Variants in C5orf15 observed in about 807,000 individuals in gnomAD.
C5orf15 encodes keratinocyte-associated transmembrane protein 2.
Under a neutral mutation model 17.8 loss-of-function variants are expected in C5orf15, and 10 were observed. The observed-to-expected ratio is 0.56, with a 90% confidence interval of 0.35 to 0.95. C5orf15 has a LOEUF of 0.95. C5orf15 is among the 40% of genes least tolerant of loss of function. The pLI is 0.02. For missense variants in C5orf15, 319 were observed against 331.7 expected (o/e 0.96, Z 0.30); for synonymous variants, 124 against 131.0 (o/e 0.95, Z 0.36).
chr5:133,963,705 CAG>C (rs144384281), intron 1 of C5orf15, among the ~76,000 whole-genome samples: 9,523 of 152,222 alleles, frequency 0.063, 384 homozygotes, highest in South Asian at 0.13. Context: ...AATTAAAAAA[CAG>C]AGACTGGCAG....
rs755169848 is a variant in C5orf15, at chr5:133,959,544, AAAT to A, written c.613_615del (p.Ile205del). ...TAAACAACAGCAATGCAAAAAGCAA[AAAT>A]AATAAGATGAAAAAAGAAATGGCTG... On this transcript the variant is annotated inframe_deletion, in exon 2 of 3. Transcript: ENST00000231512. 10 of 1,597,866 alleles carry A rather than the reference AAAT, an allele frequency of 6.3e-6. No individual in the cohort carries two copies. In the Admixed American group the frequency reaches 1.4e-4, roughly 23 times the overall value.
intron 1 of C5orf15, among the ~76,000 whole-genome samples, chr5:133,963,730 G>C (rs1010639299): frequency 1.3e-5 from 2 of 152,184 alleles, no homozygotes; most frequent in Non-Finnish European, 2.9e-5. Flanking sequence ...TCAACTACAT[G>C]ATGTCCATAG....
intron 1 of C5orf15, among the ~76,000 whole-genome samples, chr5:133,961,232 TAAAAAAAAAAAAAAAA>T (rs56684565): frequency 2.3e-4 from 7 of 30,442 alleles, no homozygotes; most frequent in South Asian, 1.3e-3. Context: ...AGTCAGTTAG[TAAAAAAAAAAAAAAAA>T]AAAAAAAAAA....
intron 1 of C5orf15, 97 bp downstream of exon 1, chr5:133,968,349 G>A: frequency 6.7e-7 from 1 of 1,491,260 alleles, no homozygotes; most frequent in Non-Finnish European, 9.1e-7. Context: ...GTCTGCTCCT[G>A]ACACTTGGAA....
chr5:133,968,028 C>T (rs1752221038), intron 1 of C5orf15, among the ~76,000 whole-genome samples: 1 of 152,054 alleles, frequency 6.6e-6, no homozygotes, highest in South Asian at 2.1e-4. Flanking sequence ...ACACCCCCAG[C>T]CCCGGCCACC....
intron 2 of C5orf15, among the ~76,000 whole-genome samples, chr5:133,958,067 C>A (rs568927077): frequency 6.6e-6 from 1 of 151,714 alleles, no homozygotes; most frequent in Admixed American, 6.6e-5. Context: ...TATTTCTGAA[C>A]CAAAAATTGT....
rs1426673423 is a variant in C5orf15, at chr5:133,955,866, T to C, written c.*993A>G. On this transcript the variant is annotated 3_prime_UTR_variant, in exon 3 of 3. Transcript: ENST00000231512. ...AGACATAAATGAATCCCATAGTAAA[T>C]ACTTTCCAGTTGCCATAAAAAACAA... 1 of 152,226 alleles carries C rather than the reference T, an allele frequency of 6.6e-6. No homozygotes were observed. The highest frequency in any genetic ancestry group is 2.4e-5 in the African/African-American group (1 of 41,458). The allele number at this position is 152,226 out of a possible 1,614,324, so 9.4% of individuals were successfully genotyped here. A position where few individuals can be genotyped will look rare whatever the true frequency, so the allele number is the denominator to read the frequency against.
chr5:133,959,426 AAAG>A, intron 2 of C5orf15, 65 bp downstream of exon 2: 23 of 709,704 alleles, frequency 3.2e-5, no homozygotes, highest in South Asian at 1.1e-4. Flanking sequence ...AAAAAAAAAA[AAAG>A]AACCATGAAT....
At chr5:133,967,451 T>C (rs1360206505) in intron 1 of C5orf15, 2 of 152,230 alleles carry the variant, frequency 1.3e-5, no homozygotes, top group African/African-American at 2.4e-5. Context: ...CGCAGGACTG[T>C]GTCTTGGCCT....
At chr5:133,957,316 C>T (rs1752054550) in intron 2 of C5orf15, among the ~76,000 whole-genome samples, 1 of 150,104 alleles carries the variant, frequency 6.7e-6, no homozygotes, top group African/African-American at 2.5e-5. Context: ...TAAGCCATGA[C>T]AGCACCACAA....
chr5:133,968,362 G>A, intron 1 of C5orf15, 84 bp downstream of exon 1: 2 of 1,519,176 alleles, frequency 1.3e-6, no homozygotes, highest in Non-Finnish European at 8.9e-7. Context: ...ACTTGGAAGC[G>A]CCCTTTCCCT....
chr5:133,960,671 G>A (rs1752111154), intron 1 of C5orf15, among the ~76,000 whole-genome samples: 1 of 152,152 alleles, frequency 6.6e-6, no homozygotes, highest in Non-Finnish European at 1.5e-5. Flanking sequence ...GTGACAACTA[G>A]ACTATTTTGA....
chr5:133,961,545 C>CAA (rs756460747), intron 1 of C5orf15, among the ~76,000 whole-genome samples: 17 of 61,264 alleles, frequency 2.8e-4, no homozygotes, highest in African/African-American at 5.5e-4. Flanking sequence ...GACCACATCT[C>CAA]AAAAAAAAAA....
intron 2 of C5orf15, among the ~76,000 whole-genome samples, chr5:133,958,334 T>G (rs1174772149): frequency 6.6e-6 from 1 of 152,120 alleles, no homozygotes; most frequent in East Asian, 1.9e-4. Flanking sequence ...CCCAGCGTTT[T>G]GGGAGGCTGA....
rs545025282 is a variant in C5orf15, at chr5:133,968,425, C to T, written c.139+21G>A. 3.7e-5 allele frequency: 60 copies of T among 1,600,344 alleles called. No individual in the cohort carries two copies. In the South Asian group the frequency reaches 6.7e-4, roughly 18 times the overall value. On this transcript the variant is annotated intron_variant, in intron 1 of 2. Coordinates refer to ENST00000231512, the MANE Select transcript of C5orf15 (RefSeq NM_020199.3). ...CGAGCCCTCCTAGCCTTCCTAAGCC[C>T]ACACTGCCGCCCCCCTTTACCACTG... is the stretch of plus-strand genomic sequence containing the variant.
At chr5:133,959,287 G>A (rs1229448050) in intron 2 of C5orf15, among the ~76,000 whole-genome samples, 4 of 150,670 alleles carry the variant, frequency 2.7e-5, no homozygotes, top group African/African-American at 4.9e-5. Context: ...CCACCAACTC[G>A]ACAGGCTGAG....
intron 1 of C5orf15, among the ~76,000 whole-genome samples, chr5:133,960,447 G>A (rs1187655386): frequency 1.3e-5 from 2 of 152,238 alleles, no homozygotes; most frequent in East Asian, 1.9e-4. Flanking sequence ...TCTCACTCAA[G>A]TAGGTCCCAA....
At chr5:133,963,138 T>C (rs1752146110) in intron 1 of C5orf15, among the ~76,000 whole-genome samples, 1 of 152,256 alleles carries the variant, frequency 6.6e-6, no homozygotes, top group African/African-American at 2.4e-5. Context: ...TTAAAGCTGT[T>C]GGCAATTAAA....
chr5:133,966,476 T>C (rs1401020651), intron 1 of C5orf15, among the ~76,000 whole-genome samples: 1 of 152,204 alleles, frequency 6.6e-6, no homozygotes, highest in East Asian at 1.9e-4. Context: ...CAAGAATTAG[T>C]CACCCAGTGA....
Sources: gnomAD v4.1 joint callset for allele counts (sites outside exome capture counted in the v4.1 genomes callset) on GRCh38, gnomAD v4.1.1 for gene constraint, MANE v1.5 for transcripts, NCBI Gene and HGNC (gene_info 2026-07-23, HGNC 2026-07-21) for gene names.